Variants in PELI2 observed in about 807,000 individuals in gnomAD.
PELI2 encodes E3 ubiquitin-protein ligase pellino homolog 2.
PELI2 carries 23 observed loss-of-function variants against 42.3 expected under a neutral mutation model. That is an observed-to-expected ratio of 0.54 (90% CI 0.39 to 0.77). The LOEUF is 0.77. Among genes scored for constraint, PELI2 ranks in the 30% least tolerant of loss-of-function variants. PELI2 has a pLI of 0.00. For missense variants in PELI2, 463 were observed against 553.2 expected (o/e 0.84, Z 1.64); for synonymous variants, 245 against 212.2 (o/e 1.15, Z -1.34).
At chr14:56,217,905 A>G (rs1886970175) in intron 2 of PELI2, among the ~76,000 whole-genome samples, 1 of 152,212 alleles carries the variant, frequency 6.6e-6, no homozygotes, top group African/African-American at 2.4e-5. Context: ...TCAGCCAGCT[A>G]ATACAGAGCT....
Position 56,118,638 on chromosome 14 carries a change from C to A in PELI2, c.-23C>A, listed in dbSNP as rs1882939990. The A allele has an allele frequency of 2.2e-6, 3 of 1,354,308 alleles. No homozygotes were observed. Among genetic ancestry groups the A allele is most frequent in the African/African-American group, 1.5e-5 (1 of 64,598 alleles). 83.9% of individuals were successfully genotyped at this position (1,354,308 alleles called of 1,614,324 possible). ...GCGGAGGCGGCGGCGTCGGCGGCGG[C>A]GTCGGCGGCCGAGCGGGGCTCCATG... On this transcript the variant is annotated 5_prime_UTR_variant, in exon 1 of 6. Coordinates refer to ENST00000267460, the MANE Select transcript of PELI2 (RefSeq NM_021255.3).
intron 1 of PELI2, among the ~76,000 whole-genome samples, chr14:56,120,711 C>T (rs953971574): frequency 1.3e-5 from 2 of 152,064 alleles, no homozygotes; most frequent in African/African-American, 4.8e-5. Context: ...CAGAAAGAAA[C>T]ATGCAAATAG....
intron 3 of PELI2, among the ~76,000 whole-genome samples, chr14:56,287,079 C>T (rs921747212): frequency 3.0e-4 from 46 of 152,278 alleles, no homozygotes; most frequent in African/African-American, 1.1e-3. Flanking sequence ...TTCAAACCAG[C>T]AGAGTGGTTT....
At chr14:56,235,312 C>T (rs567880563) in intron 2 of PELI2, among the ~76,000 whole-genome samples, 14 of 152,264 alleles carry the variant, frequency 9.2e-5, no homozygotes, top group South Asian at 2.1e-4. Flanking sequence ...ATTATAACTA[C>T]AATGTCAAGA....
chr14:56,225,792 C>G (rs149060452), intron 2 of PELI2, among the ~76,000 whole-genome samples: 36 of 152,298 alleles, frequency 2.4e-4, no homozygotes, highest in African/African-American at 8.7e-4. Context: ...AGCCCCAGAA[C>G]CACTGCACAG....
At chr14:56,189,056 A>T (rs1010688932) in intron 2 of PELI2, among the ~76,000 whole-genome samples, 6 of 152,148 alleles carry the variant, frequency 3.9e-5, no homozygotes, top group Non-Finnish European at 5.9e-5. Flanking sequence ...GCTACTGGGG[A>T]GGCTGAGACA....
chr14:56,250,209 G>A (rs1888297736), intron 2 of PELI2, among the ~76,000 whole-genome samples: 1 of 152,182 alleles, frequency 6.6e-6, no homozygotes, highest in South Asian at 2.1e-4. Context: ...CCTACTGAGA[G>A]CTTGGGCCAC....
In PELI2 at chr14:56,263,786, A is replaced by G. The variant is rs182585438; in HGVS notation, c.208-15890A>G. On this transcript the variant is annotated intron_variant, in intron 2 of 5. Coordinates refer to ENST00000267460, the MANE Select transcript of PELI2 (RefSeq NM_021255.3). Reference sequence around the variant, plus strand: ...AGAGTTAATGGGTGCAAACATTTTTATAGTTTTATGCACAAAAGTAGCTGT... The same window carrying G: ...AGAGTTAATGGGTGCAAACATTTTTGTAGTTTTATGCACAAAAGTAGCTGT... 6.5e-3 allele frequency among the ~76,000 whole-genome samples: 994 copies of G among 152,330 alleles called. 4 individuals carry two copies. The highest frequency in any genetic ancestry group is 0.019 in the African/African-American group (788 of 41,576).
At chr14:56,199,700 CG>C (rs1886262686) in intron 2 of PELI2, among the ~76,000 whole-genome samples, 2 of 152,150 alleles carry the variant, frequency 1.3e-5, no homozygotes, top group Non-Finnish European at 2.9e-5. Flanking sequence ...GTTATATAAA[CG>C]GATAAGATAC....
At chr14:56,141,539 CTG>C (rs1398823815) in intron 1 of PELI2, among the ~76,000 whole-genome samples, 2 of 152,184 alleles carry the variant, frequency 1.3e-5, no homozygotes, top group Non-Finnish European at 2.9e-5. Flanking sequence ...ATACCTGAGA[CTG>C]TGTAATTTAT....
At chr14:56,257,096 C>A (rs557973935) in intron 2 of PELI2, among the ~76,000 whole-genome samples, 77 of 152,180 alleles carry the variant, frequency 5.1e-4, no homozygotes, top group African/African-American at 1.7e-3. Flanking sequence ...GCATCAAGGG[C>A]AAGTAGGATA....
At chr14:56,271,033 T>C (rs1219213251) in intron 2 of PELI2, among the ~76,000 whole-genome samples, 1 of 152,232 alleles carries the variant, frequency 6.6e-6, no homozygotes, top group Non-Finnish European at 1.5e-5. Context: ...TTTGCTGGAT[T>C]ATCAGTGGCT....
chr14:56,298,746 A>G lies in PELI2; in HGVS notation c.*1580A>G, dbSNP rs369200651. The G allele has an allele frequency of 6.6e-6, 1 of 152,602 alleles. No individual in the cohort carries two copies. Among genetic ancestry groups the G allele is most frequent in the Non-Finnish European group, 1.5e-5 (1 of 68,036 alleles). 9.5% of individuals were successfully genotyped at this position (152,602 alleles called of 1,614,324 possible). On this transcript the variant is annotated 3_prime_UTR_variant, in exon 6 of 6. Coordinates refer to ENST00000267460, the MANE Select transcript of PELI2 (RefSeq NM_021255.3). ...TATTACTCTTGATTGCTGCTGCTTA[A>G]TTTGATGTAATATGTTTAAAGTTCA...
rs3742574 is a variant in PELI2 at position 56,118,615 on chromosome 14, G to A, written c.-46G>A. The stretch of plus-strand genomic sequence containing the variant: ...GCGCGGACTCGGCGGGGATCGCGGC[G>A]GAGGCGGCGGCGTCGGCGGCGGCGT... On this transcript the variant is annotated 5_prime_UTR_variant, in exon 1 of 6. Coordinates refer to ENST00000267460, the MANE Select transcript of PELI2 (RefSeq NM_021255.3). The A allele has an allele frequency of 8.1e-7, 1 of 1,228,962 alleles. No homozygotes were observed. The highest frequency in any genetic ancestry group is 1.1e-6 in the Non-Finnish European group (1 of 941,650). The allele number at this position is 1,228,962 out of a possible 1,614,324, so 76.1% of individuals were successfully genotyped here.
chr14:56,198,532 C>T (rs765443213), intron 2 of PELI2, among the ~76,000 whole-genome samples: 2 of 152,192 alleles, frequency 1.3e-5, no homozygotes, highest in Non-Finnish European at 2.9e-5. Context: ...GATTTGACCA[C>T]TTGCAGGTTG....
intron 1 of PELI2, among the ~76,000 whole-genome samples, chr14:56,129,246 T>C (rs1883391665): frequency 6.6e-6 from 1 of 152,230 alleles, no homozygotes; most frequent in South Asian, 2.1e-4. Context: ...GCTTGAAATC[T>C]CCAAATAGGC....
chr14:56,287,801 T>C (rs746804662), intron 3 of PELI2, among the ~76,000 whole-genome samples: 3 of 152,264 alleles, frequency 2.0e-5, no homozygotes, highest in Non-Finnish European at 4.4e-5. Context: ...AGATTTTTTT[T>C]CTACTTTCTT....
intron 1 of PELI2, among the ~76,000 whole-genome samples, chr14:56,130,573 A>G (rs938471845): frequency 2.0e-5 from 3 of 152,050 alleles, no homozygotes; most frequent in African/African-American, 7.2e-5. Context: ...AACTTATATT[A>G]ACTTTTTTGG....
chr14:56,121,208 T>C (rs982801630), intron 1 of PELI2, among the ~76,000 whole-genome samples: 7 of 151,972 alleles, frequency 4.6e-5, no homozygotes, highest in Non-Finnish European at 1.0e-4. Context: ...TATTTGGTAT[T>C]GATAGAAGCT....
Sources: allele counts gnomAD v4.1 joint callset (sites outside exome capture counted in the v4.1 genomes callset), GRCh38; gene constraint gnomAD v4.1.1; transcripts MANE v1.5; gene names NCBI Gene and HGNC (gene_info 2026-07-23, HGNC 2026-07-21).